NEK11: variants seen among roughly 807,000 people sequenced by gnomAD.
NEK11 encodes the protein serine/threonine-protein kinase Nek11.
Under a neutral mutation model 80.7 loss-of-function variants are expected in NEK11, and 72 were observed. The observed-to-expected ratio is 0.89, with a 90% CI of 0.74 to 1.08. NEK11 has a LOEUF of 1.08. Among genes scored for constraint, NEK11 ranks in the 50% least tolerant of loss-of-function variants. The probability of loss-of-function intolerance (pLI) is 0.00; values close to 1 mark genes in which losing one functional copy is unlikely to be tolerated. For synonymous variants in NEK11, 251 were observed against 260.7 expected (o/e 0.96, Z 0.36); for missense variants, 764 against 763.6 (o/e 1.00, Z -0.01).
chr3:131,294,791 ACTT>A (rs1937546410), intron 17 of NEK11, among the ~76,000 whole-genome samples: 1 of 152,056 alleles, frequency 6.6e-6, no homozygotes, highest in African/African-American at 2.4e-5. Flanking sequence ...GATTGTTTTG[ACTT>A]CTTAGAGAAT....
In NEK11 at chr3:131,335,883, A is replaced by C. The variant is rs2097174168; in HGVS notation, c.1719-13674A>C. ...CCCATTCACAATTGCTTCAAAGAGA[A>C]TAAAATACCTAGGAATCCAACTTAC... is the stretch of plus-strand genomic sequence containing the variant. On this transcript the variant is annotated intron_variant, in intron 17 of 17. Transcript: ENST00000383366. 2.6e-5 allele frequency among the ~76,000 whole-genome samples: 4 copies of C among 152,144 alleles called. No individual in the cohort carries two copies. The South Asian group carries it at 8.3e-4, about 32-fold the overall frequency.
chr3:131,101,404 C>T (rs1383223693), intron 4 of NEK11, among the ~76,000 whole-genome samples: 2 of 151,830 alleles, frequency 1.3e-5, no homozygotes, highest in Non-Finnish European at 2.9e-5. Flanking sequence ...TTGAGCTACA[C>T]CCTGGAGATT....
Position 131,165,423 on chromosome 3 carries a change from C to A in NEK11, c.1083-3C>A. The A allele has an allele frequency of 1.3e-6, 2 of 1,580,334 alleles. No homozygotes were observed. The highest frequency in any genetic ancestry group is 1.1e-5 in the South Asian group (1 of 90,294). ...TTTTTCTACATTCACTTTAAATTTA[C>A]AGAAAGATTGTGGAAGAAAAATATG... On this transcript the variant is annotated splice_region_variant and splice_polypyrimidine_tract_variant and intron_variant, in intron 11 of 17. Transcript: ENST00000383366.
rs1026216869 is a variant in NEK11, at chr3:131,145,276, A to G, written c.648-7112A>G. ...CACCATAGCCTCCCAAGTCACTGAG[A>G]TTACAGGTGTGAGCCACTGTGCCTG... On this transcript the variant is annotated intron_variant, in intron 7 of 17. Transcript: ENST00000383366. 5.3e-5 allele frequency among the ~76,000 whole-genome samples: 8 copies of G among 152,282 alleles called. No individual in the cohort carries two copies. In the East Asian group the frequency reaches 1.5e-3, roughly 29 times the overall value.
chr3:131,142,152 T>G (rs1246039020), intron 7 of NEK11, among the ~76,000 whole-genome samples: 1 of 152,212 alleles, frequency 6.6e-6, no homozygotes, highest in Non-Finnish European at 1.5e-5. Context: ...AAAGAGCATG[T>G]GTCTGCCTTT....
intron 4 of NEK11, among the ~76,000 whole-genome samples, chr3:131,097,802 A>T (rs2077676472): frequency 7.9e-6 from 1 of 125,818 alleles, no homozygotes; most frequent in African/African-American, 2.8e-5. Context: ...ATTGGAAAAA[A>T]CTACTTTAAA....
intron 14 of NEK11, among the ~76,000 whole-genome samples, chr3:131,208,531 T>C (rs1166413867): frequency 6.6e-5 from 10 of 152,204 alleles, no homozygotes; most frequent in African/African-American, 1.4e-4. Flanking sequence ...GGGGATGGCA[T>C]TGAATCTATA....
chr3:131,191,559 A>G (rs1352412041), intron 14 of NEK11, among the ~76,000 whole-genome samples: 3 of 152,162 alleles, frequency 2.0e-5, no homozygotes, highest in African/African-American at 7.2e-5. Context: ...AAAGGCAGCT[A>G]ATTAACAATC....
chr3:131,109,983 A>G, intron 5 of NEK11, 62 bp downstream of exon 5: 9 of 1,513,710 alleles, frequency 5.9e-6, no homozygotes, highest in Non-Finnish European at 7.0e-6. Context: ...TGAACTTGAA[A>G]AGTGAATTTT....
intron 5 of NEK11, 68 bp downstream of exon 5, chr3:131,109,989 A>AT (rs1033108541): frequency 3.4e-5 from 51 of 1,490,288 alleles, no homozygotes; most frequent in Middle Eastern, 4.0e-4. Context: ...TGAAAAGTGA[A>AT]TTTTTTTTCT....
intron 16 of NEK11, among the ~76,000 whole-genome samples, chr3:131,263,387 T>C (rs925568014): frequency 4.6e-5 from 7 of 152,178 alleles, no homozygotes; most frequent in Admixed American, 1.3e-4. Flanking sequence ...AGATGTGTGG[T>C]ATTATTTCTG....
intron 3 of NEK11, among the ~76,000 whole-genome samples, chr3:131,073,924 G>A (rs1353639870): frequency 1.3e-5 from 2 of 152,148 alleles, no homozygotes; most frequent in Non-Finnish European, 1.5e-5. Context: ...CTTCCAGGGA[G>A]CAATTTTAGC....
chr3:131,125,982 G>A (rs186152458), intron 5 of NEK11, among the ~76,000 whole-genome samples: 1 of 152,310 alleles, frequency 6.6e-6, no homozygotes, highest in East Asian at 1.9e-4. Flanking sequence ...TTAAGTTGGT[G>A]TTTAAAGGAC....
chr3:131,310,869 T>C (rs1033909512), intron 17 of NEK11, among the ~76,000 whole-genome samples: 2 of 152,206 alleles, frequency 1.3e-5, no homozygotes, highest in African/African-American at 4.8e-5. Context: ...TCAATACCCT[T>C]GACGGGATGT....
intron 17 of NEK11, among the ~76,000 whole-genome samples, chr3:131,334,847 G>T (rs541250334): frequency 2.0e-3 from 301 of 152,250 alleles, no homozygotes; most frequent in Middle Eastern, 3.4e-3. Context: ...ACACCTCTAC[G>T]CAAATAAACT....
At chr3:131,174,099 A>G (rs2092861681) in intron 14 of NEK11, among the ~76,000 whole-genome samples, 1 of 152,368 alleles carries the variant, frequency 6.6e-6, no homozygotes, top group African/African-American at 2.4e-5. Context: ...GAACTATGAA[A>G]ATACAGCCTT....
At position 131,288,742 on chromosome 3, in the gene NEK11, G is replaced by A. The variant is rs561448149; in HGVS notation, c.1718+15168G>A. On this transcript the variant is annotated intron_variant, in intron 17 of 17. Transcript: ENST00000383366. Reference sequence around the variant, plus strand: ...GCTGGGATTACAGGCATGAGCCACCGCGCCCCGCCTATATGGTATGCATTT... The same window carrying A: ...GCTGGGATTACAGGCATGAGCCACCACGCCCCGCCTATATGGTATGCATTT... 4.3e-4 allele frequency among the ~76,000 whole-genome samples: 66 copies of A among 152,034 alleles called. 1 individual carries two copies. The highest frequency in any genetic ancestry group is 3.6e-3 in the Admixed American group (55 of 15,276).
intron 5 of NEK11, among the ~76,000 whole-genome samples, chr3:131,118,892 A>G (rs574801588): frequency 6.7e-4 from 102 of 151,976 alleles, no homozygotes; most frequent in Non-Finnish European, 1.2e-3. Flanking sequence ...CTAGCTGTCT[A>G]TCAATTTTGT....
At chr3:131,318,481 GTA>G (rs2096865621) in intron 17 of NEK11, among the ~76,000 whole-genome samples, 1 of 151,766 alleles carries the variant, frequency 6.6e-6, no homozygotes, top group Non-Finnish European at 1.5e-5. Flanking sequence ...TATATCAAAG[GTA>G]TATACTTACA....
Sources: gnomAD v4.1 joint callset for allele counts (sites outside exome capture counted in the v4.1 genomes callset) on GRCh38, gnomAD v4.1.1 for gene constraint, MANE v1.5 for transcripts, NCBI Gene and HGNC (gene_info 2026-07-23, HGNC 2026-07-21) for gene names.